Variants in TACR1 observed in about 807,000 individuals in gnomAD.
TACR1 encodes substance-P receptor.
Under a neutral mutation model 35.8 loss-of-function variants are expected in TACR1, and 25 were observed. The ratio of observed to expected loss-of-function variants is 0.70; its 90% CI spans 0.51 to 0.98. TACR1 has a LOEUF of 0.98. Ranked by LOEUF, TACR1 falls within the 50% of genes least tolerant of loss-of-function variation. The probability of loss-of-function intolerance (pLI) is 0.00; values close to 1 mark genes in which losing one functional copy is unlikely to be tolerated. For synonymous variants in TACR1, 195 were observed against 206.7 expected (o/e 0.94, Z 0.48); for missense variants, 478 against 522.9 (o/e 0.91, Z 0.84).
At chr2:75,113,374 G>T (rs909465013) in intron 2 of TACR1, among the ~76,000 whole-genome samples, 1 of 152,028 alleles carries the variant, frequency 6.6e-6, no homozygotes, top group African/African-American at 2.4e-5. Flanking sequence ...CTAATTAGGG[G>T]CTATTGGTAT....
At chr2:75,061,603 A>G (rs1672675153) in intron 2 of TACR1, among the ~76,000 whole-genome samples, 1 of 152,178 alleles carries the variant, frequency 6.6e-6, no homozygotes, top group South Asian at 2.1e-4. Context: ...CTGCAGAGAC[A>G]GGCCAGGACC....
chr2:75,051,482 A>G (rs201382395), intron 3 of TACR1, 35 bp from the exon 4 acceptor site: 63 of 1,611,428 alleles, frequency 3.9e-5, no homozygotes, highest in Non-Finnish European at 4.9e-5. Flanking sequence ...GACCACCAGC[A>G]CATCCCCCTC....
At chr2:75,134,498 A>G (rs747914498) in intron 1 of TACR1, among the ~76,000 whole-genome samples, 3 of 152,226 alleles carry the variant, frequency 2.0e-5, no homozygotes, top group Non-Finnish European at 4.4e-5. Flanking sequence ...CATTAGAAGC[A>G]TGAGCAGACA....
At chr2:75,153,467 A>G (rs185896994) in intron 1 of TACR1, among the ~76,000 whole-genome samples, 3 of 152,346 alleles carry the variant, frequency 2.0e-5, no homozygotes, top group African/African-American at 4.8e-5. Context: ...TGAAATGTCA[A>G]TATTGACTGA....
Position 75,138,766 on chromosome 2 carries a change from A to ATTCAT in TACR1, c.390-17999_390-17998insATGAA, listed in dbSNP as rs71948771. ...GCCTGGAGACTCATCTACTCATTCA[A>ATTCAT]TCATTCATTCATTCATTCATTCAAA... On this transcript the variant is annotated intron_variant, in intron 1 of 4. Coordinates refer to ENST00000305249, the MANE Select transcript of TACR1 (RefSeq NM_001058.4). Among the ~76,000 whole-genome samples, 515 of 149,060 alleles carry ATTCAT rather than the reference A, an allele frequency of 3.5e-3. 1 individual carries two copies. The highest frequency in any genetic ancestry group is 7.0e-3 in the Middle Eastern group (2 of 284).
At chr2:75,052,061 G>A (rs776477141) in intron 3 of TACR1, among the ~76,000 whole-genome samples, 2 of 152,166 alleles carry the variant, frequency 1.3e-5, no homozygotes, top group Non-Finnish European at 2.9e-5. Context: ...GTTTAAAAGC[G>A]ATTTAAAAGG....
At chr2:75,050,902 T>C in intron 4 of TACR1, 1 of 330,836 alleles carries the variant, frequency 3.0e-6, no homozygotes, top group Non-Finnish European at 5.8e-6. Context: ...TCACAGGCCA[T>C]GGCCTGGAGC....
intron 1 of TACR1, among the ~76,000 whole-genome samples, chr2:75,126,565 C>T (rs1674076120): frequency 6.6e-6 from 1 of 152,144 alleles, no homozygotes; most frequent in South Asian, 2.1e-4. Flanking sequence ...GCGACACCCT[C>T]CTGGACAAAG....
chr2:75,120,230 G>A (rs956676263), intron 2 of TACR1, among the ~76,000 whole-genome samples: 14 of 152,106 alleles, frequency 9.2e-5, no homozygotes, highest in African/African-American at 2.7e-4. Flanking sequence ...AGAGAAGAGC[G>A]GCATTCTGTA....
intron 2 of TACR1, among the ~76,000 whole-genome samples, chr2:75,119,824 C>T (rs1673930970): frequency 6.6e-6 from 1 of 152,106 alleles, no homozygotes; most frequent in Non-Finnish European, 1.5e-5. Flanking sequence ...AAAGGGGAAT[C>T]CTTATCTCAA....
intron 1 of TACR1, among the ~76,000 whole-genome samples, chr2:75,167,933 G>A (rs1675184658): frequency 6.6e-6 from 1 of 152,078 alleles, no homozygotes; most frequent in Non-Finnish European, 1.5e-5. Context: ...AATTGAAGCA[G>A]ATACATGGTC....
At chr2:75,150,622 C>A (rs867119807) in intron 1 of TACR1, among the ~76,000 whole-genome samples, 6 of 152,256 alleles carry the variant, frequency 3.9e-5, no homozygotes, top group Middle Eastern at 6.8e-3. Flanking sequence ...CTTTTTCTTC[C>A]CAGTCTTGGG....
intron 1 of TACR1, chr2:75,156,172 G>C (rs1239864429): frequency 2.0e-5 from 3 of 152,068 alleles, no homozygotes; most frequent in Non-Finnish European, 2.9e-5. Context: ...GTGGGTCCTC[G>C]ATATGATAAC....
chr2:75,075,217 G>GATAGCATTTTAC (rs1198855597), intron 2 of TACR1, among the ~76,000 whole-genome samples: 1 of 152,150 alleles, frequency 6.6e-6, no homozygotes, highest in Non-Finnish European at 1.5e-5. Flanking sequence ...ACCACAATAG[G>GATAGCATTTTAC]ATAGCATTTT....
chr2:75,058,810 G>C (rs1469703268), intron 2 of TACR1, among the ~76,000 whole-genome samples: 3 of 152,194 alleles, frequency 2.0e-5, no homozygotes, highest in African/African-American at 7.2e-5. Flanking sequence ...ATATCTTGGT[G>C]CTCATTAATC....
chr2:75,181,384 GA>G (rs1041459020), intron 1 of TACR1, among the ~76,000 whole-genome samples: 10 of 150,242 alleles, frequency 6.7e-5, no homozygotes, highest in East Asian at 1.9e-4. Flanking sequence ...TCATTAAGGG[GA>G]AAAAAAAATG....
At chr2:75,104,836 T>G (rs1488156770) in intron 2 of TACR1, among the ~76,000 whole-genome samples, 1 of 152,060 alleles carries the variant, frequency 6.6e-6, no homozygotes, top group Admixed American at 6.6e-5. Context: ...CACAATGAGC[T>G]ATCAGCTCAG....
At chr2:75,143,141 G>T (rs1674442319) in intron 1 of TACR1, among the ~76,000 whole-genome samples, 2 of 152,182 alleles carry the variant, frequency 1.3e-5, no homozygotes, top group Admixed American at 1.3e-4. Context: ...CTGCCACAAT[G>T]AACCCAGGAG....
intron 2 of TACR1, among the ~76,000 whole-genome samples, chr2:75,094,481 A>G (rs1673372873): frequency 6.6e-6 from 1 of 152,120 alleles, no homozygotes; most frequent in Non-Finnish European, 1.5e-5. Flanking sequence ...CTTAAGGCAA[A>G]CAACATTTAC....
Sources: gnomAD v4.1 joint callset for allele counts (sites outside exome capture counted in the v4.1 genomes callset) on GRCh38, gnomAD v4.1.1 for gene constraint, MANE v1.5 for transcripts, NCBI Gene and HGNC (gene_info 2026-07-23, HGNC 2026-07-21) for gene names.